The following RHBDL2 variants were observed in gnomAD, a reference collection of about 807,000 sequenced individuals.
The protein encoded by RHBDL2 is rhomboid-related protein 2.
In RHBDL2, 26 loss-of-function variants were observed where a neutral mutation model predicts 31.7. That is an observed-to-expected ratio of 0.82 (90% CI 0.60 to 1.14). The LOEUF (loss-of-function observed/expected upper bound fraction) is 1.14. Among genes scored for constraint, RHBDL2 ranks in the 50% most tolerant of loss-of-function variants. RHBDL2 has a pLI of 0.00. For missense variants in RHBDL2, 336 were observed against 364.4 expected (o/e 0.92, Z 0.63); for synonymous variants, 123 against 127.2 (o/e 0.97, Z 0.22).
intron 1 of RHBDL2, among the ~76,000 whole-genome samples, chr1:38,938,270 C>A (rs1388418825): frequency 1.3e-5 from 2 of 152,242 alleles, no homozygotes; most frequent in African/African-American, 4.8e-5. Flanking sequence ...CCGCCTCGGC[C>A]TCCCAAAGTG....
chr1:38,908,792 TAGTC>T (rs901385477), intron 4 of RHBDL2, among the ~76,000 whole-genome samples: 1 of 152,144 alleles, frequency 6.6e-6, no homozygotes, highest in Non-Finnish European at 1.5e-5. Context: ...TGGCTTCTGT[TAGTC>T]AGCTCAATTA....
intron 1 of RHBDL2, among the ~76,000 whole-genome samples, chr1:38,934,032 A>G (rs996904263): frequency 1.3e-5 from 2 of 152,114 alleles, no homozygotes; most frequent in Non-Finnish European, 2.9e-5. Context: ...TGTGTCCACA[A>G]GTCTTCATAA....
chr1:38,897,644 G>A (rs879391801), intron 4 of RHBDL2, among the ~76,000 whole-genome samples: 1 of 152,182 alleles, frequency 6.6e-6, no homozygotes, highest in African/African-American at 2.4e-5. Context: ...GAGCCCAGGA[G>A]TTTGAGGCTG....
chr1:38,897,458 G>C (rs1385017838), intron 4 of RHBDL2, among the ~76,000 whole-genome samples: 1 of 152,178 alleles, frequency 6.6e-6, no homozygotes, highest in Non-Finnish European at 1.5e-5. Flanking sequence ...TATAATCTCA[G>C]TGCTTTGGGA....
intron 1 of RHBDL2, among the ~76,000 whole-genome samples, chr1:38,920,955 C>T (rs895392217): frequency 1.3e-5 from 2 of 152,032 alleles, no homozygotes; most frequent in Non-Finnish European, 2.9e-5. Context: ...TGAGGGGGAG[C>T]ATATACCTAT....
chr1:38,913,942 C>G (rs1469995209), intron 3 of RHBDL2, among the ~76,000 whole-genome samples: 2 of 151,990 alleles, frequency 1.3e-5, no homozygotes, highest in African/African-American at 4.8e-5. Context: ...CATGGTGAAA[C>G]CCCGTCTCTA....
chr1:38,898,839 GA>G (rs1642950816), intron 4 of RHBDL2, among the ~76,000 whole-genome samples: 1 of 152,216 alleles, frequency 6.6e-6, no homozygotes, highest in African/African-American at 2.4e-5. Flanking sequence ...AATGAAGTGG[GA>G]AGACTACCTG....
chr1:38,901,244 C>T (rs1048178485), intron 4 of RHBDL2, among the ~76,000 whole-genome samples: 1 of 151,756 alleles, frequency 6.6e-6, no homozygotes, highest in Non-Finnish European at 1.5e-5. Context: ...AGGCAGATCT[C>T]CTGAGGTCAG....
chr1:38,917,912 T>G (rs1643260608), intron 2 of RHBDL2, among the ~76,000 whole-genome samples: 1 of 152,218 alleles, frequency 6.6e-6, no homozygotes, highest in Non-Finnish European at 1.5e-5. Flanking sequence ...AAATCAGTAG[T>G]CTTTGAGTAA....
Position 38,900,109 on chromosome 1 carries a change from G to A in RHBDL2, c.509-4040C>T, listed in dbSNP as rs551536358. 1.5e-3 allele frequency among the ~76,000 whole-genome samples: 227 copies of A among 152,296 alleles called. 1 individual carries two copies. The highest frequency in any genetic ancestry group is 5.0e-3 in the African/African-American group (209 of 41,558). On this transcript the variant is annotated intron_variant, in intron 4 of 7. Transcript: ENST00000372990. ...AACTGCTTTCAAGTAACATAACTGA[G>A]TTACAGAACAAATCTAAAAAGTATT...
chr1:38,912,311 G>A (rs1476060180), intron 3 of RHBDL2, among the ~76,000 whole-genome samples: 1 of 151,778 alleles, frequency 6.6e-6, no homozygotes, highest in African/African-American at 2.4e-5. Flanking sequence ...TCACCATGTT[G>A]GTCAGGCTGG....
At chr1:38,911,651 C>CGT (rs2124326172) in intron 3 of RHBDL2, among the ~76,000 whole-genome samples, 2 of 142,196 alleles carry the variant, frequency 1.4e-5, no homozygotes, top group South Asian at 2.2e-4. Context: ...TGTGTGCGCG[C>CGT]GCGCGCGCGT....
At chr1:38,923,882 G>C (rs1025638719) in intron 1 of RHBDL2, among the ~76,000 whole-genome samples, 60 of 152,226 alleles carry the variant, frequency 3.9e-4, no homozygotes, top group African/African-American at 1.4e-3. Context: ...GATCAAAACT[G>C]GGTGGCACTG....
chr1:38,919,749 T>C (rs549284922), intron 1 of RHBDL2, among the ~76,000 whole-genome samples: 14 of 152,088 alleles, frequency 9.2e-5, no homozygotes, highest in African/African-American at 3.4e-4. Flanking sequence ...AATTTTTGTA[T>C]TTTTAGTAGA....
rs752019415 is a variant in RHBDL2, at chr1:38,886,465, G to A, written c.*39C>T. On this transcript the variant is annotated 3_prime_UTR_variant, in exon 8 of 8. Transcript: ENST00000372990. ...CTTCCTTTTTTTTTTATTTCCTCCAGATGGCTCTTTTTATTAATTGACTTA... is the reference window on the plus strand; with the variant it reads ...CTTCCTTTTTTTTTTATTTCCTCCAAATGGCTCTTTTTATTAATTGACTTA... 24 of 1,390,268 alleles carry A rather than the reference G, an allele frequency of 1.7e-5. No homozygotes were observed. The highest frequency in any genetic ancestry group is 5.8e-5 in the African/African-American group (4 of 68,664). The allele number at this position is 1,390,268 out of a possible 1,614,324, so 86.1% of individuals were successfully genotyped here.
chr1:38,891,929 G>A (rs939004976), intron 6 of RHBDL2, among the ~76,000 whole-genome samples: 1 of 152,164 alleles, frequency 6.6e-6, no homozygotes, highest in African/African-American at 2.4e-5. Context: ...CAGGTGGAGA[G>A]AACTTCAACT....
intron 6 of RHBDL2, among the ~76,000 whole-genome samples, chr1:38,890,732 C>T (rs1021732781): frequency 1.3e-5 from 2 of 151,376 alleles, no homozygotes; most frequent in African/African-American, 4.9e-5. Context: ...GACAACCTCG[C>T]TCTGCTGCCC....
Position 38,915,461 on chromosome 1 carries a change from G to T in RHBDL2, c.395+101C>A, listed in dbSNP as rs559909602. ...CCTTAGGGTTGCTGTGAAGATTATG[G>T]ACATGAAAGTGCCTTATCAATAATA... On this transcript the variant is annotated intron_variant, in intron 3 of 7. Coordinates refer to ENST00000372990, the MANE Select transcript of RHBDL2 (RefSeq NM_017821.5). The T allele has an allele frequency of 6.7e-6, 8 of 1,191,956 alleles. No individual in the cohort carries two copies. In the South Asian group the frequency reaches 1.1e-4, roughly 17 times the overall value. The allele number at this position is 1,191,956 out of a possible 1,614,324, so 73.8% of individuals were successfully genotyped here.
At chr1:38,932,249 A>G (rs1250973859) in intron 1 of RHBDL2, among the ~76,000 whole-genome samples, 1 of 152,098 alleles carries the variant, frequency 6.6e-6, no homozygotes, top group Admixed American at 6.5e-5. Flanking sequence ...AAAAAAAGAA[A>G]AAGTCATGTG....
Sources: gnomAD v4.1 joint callset for allele counts (sites outside exome capture counted in the v4.1 genomes callset) on GRCh38, gnomAD v4.1.1 for gene constraint, MANE v1.5 for transcripts, NCBI Gene and HGNC (gene_info 2026-07-23, HGNC 2026-07-21) for gene names.